Variants in EGFLAM observed in about 807,000 individuals in gnomAD.
The protein encoded by EGFLAM is EGF like, fibronectin type III and laminin G domains, also known as pikachurin.
In EGFLAM, 79 loss-of-function variants were observed where a neutral mutation model predicts 113.1. That is an observed-to-expected ratio of 0.70 (90% CI 0.58 to 0.84). EGFLAM has a LOEUF of 0.84. EGFLAM is among the 40% of genes least tolerant of loss of function. EGFLAM has a pLI of 0.00. For missense variants in EGFLAM, 1,265 were observed against 1,291.6 expected, an observed-to-expected ratio of 0.98 and a Z score of 0.32; for synonymous variants, 504 against 487.6, an observed-to-expected ratio of 1.03 and a Z score of -0.44.
At chr5:38,337,973 A>G (rs140258479) in intron 2 of EGFLAM, among the ~76,000 whole-genome samples, 44 of 152,370 alleles carry the variant, frequency 2.9e-4, no homozygotes, top group African/African-American at 9.9e-4. Flanking sequence ...GAATGTTGTC[A>G]ACAAGTACAA....
intron 6 of EGFLAM, among the ~76,000 whole-genome samples, chr5:38,391,543 C>T (rs1381364594): frequency 2.0e-5 from 3 of 151,670 alleles, no homozygotes; most frequent in Non-Finnish European, 4.4e-5. Context: ...GGATTACAGG[C>T]GCCTACTACC....
At chr5:38,276,753 A>G (rs1757897741) in intron 1 of EGFLAM, among the ~76,000 whole-genome samples, 1 of 152,166 alleles carries the variant, frequency 6.6e-6, no homozygotes, top group Non-Finnish European at 1.5e-5. Flanking sequence ...GTGATACCAC[A>G]GAAACACAAA....
chr5:38,305,843 T>G (rs1247792589), intron 1 of EGFLAM, among the ~76,000 whole-genome samples: 2 of 152,208 alleles, frequency 1.3e-5, no homozygotes, highest in African/African-American at 4.8e-5. Flanking sequence ...GGACTTGTCC[T>G]TCACCAAGGC....
intron 1 of EGFLAM, among the ~76,000 whole-genome samples, chr5:38,310,800 A>G (rs1380144247): frequency 3.3e-5 from 5 of 152,192 alleles, no homozygotes; most frequent in African/African-American, 1.2e-4. Flanking sequence ...CTGACACGCC[A>G]CTATTTAAGC....
At chr5:38,449,745 G>C (rs1742851692) in intron 18 of EGFLAM, among the ~76,000 whole-genome samples, 1 of 152,036 alleles carries the variant, frequency 6.6e-6, no homozygotes, top group Admixed American at 6.6e-5. Flanking sequence ...TAAAAGTCAA[G>C]TTCAGGGTCT....
chr5:38,314,266 G>T lies in EGFLAM; in HGVS notation c.98-23254G>T, dbSNP rs78433588. Among the ~76,000 whole-genome samples, 18 of 152,254 alleles carry T rather than the reference G, an allele frequency of 1.2e-4. No individual in the cohort carries two copies. In the East Asian group the frequency reaches 3.5e-3, roughly 29 times the overall value. ...ATTCATCCATTCCCCATTTATCCAA[G>T]ATGTCTTTTTTATCATAAATTAAGT... On this transcript the variant is annotated intron_variant, in intron 1 of 21. Transcript: ENST00000322350.
chr5:38,437,589 C>T lies in EGFLAM; in HGVS notation c.2284-686C>T, dbSNP rs1742389747. 3.9e-5 allele frequency among the ~76,000 whole-genome samples: 6 copies of T among 152,158 alleles called. No individual in the cohort carries two copies. In the South Asian group the frequency reaches 1.2e-3, roughly 31 times the overall value. Reference sequence around the variant, plus strand: ...AAAGTTACTGACGACTTGGTCTCACCTTCAGAGATTCTGGTTCAATGGGTC... The same window carrying T: ...AAAGTTACTGACGACTTGGTCTCACTTTCAGAGATTCTGGTTCAATGGGTC... On this transcript the variant is annotated intron_variant, in intron 16 of 21. Transcript: ENST00000322350.
intron 12 of EGFLAM, among the ~76,000 whole-genome samples, chr5:38,424,558 G>A (rs1007054737): frequency 6.6e-6 from 1 of 152,094 alleles, no homozygotes; most frequent in Non-Finnish European, 1.5e-5. Flanking sequence ...AGCTAATTGG[G>A]GTCATGCAAT....
chr5:38,263,268 C>G (rs1022599191), intron 1 of EGFLAM, among the ~76,000 whole-genome samples: 4 of 152,140 alleles, frequency 2.6e-5, no homozygotes, highest in Non-Finnish European at 5.9e-5. Flanking sequence ...TTGAGACCAG[C>G]CTGGCCAACA....
In EGFLAM at chr5:38,427,094, T is replaced by C. The variant is rs767144321; in HGVS notation, c.1896T>C (p.Leu632=). ...GGCCACTGGAGCCCCAGCATTACCT[T>C]TCCTTCATGGAATTTGAGATCACAT... The part of the protein sequence containing the change: ...TPWPLEPQHY[L]SFMEFEITFR... Residue 632 remains leucine, a synonymous_variant, in exon 14 of 22, where the codon CTT becomes CTC. Coordinates refer to ENST00000322350, the MANE Select transcript of EGFLAM (RefSeq NM_152403.4). The C allele has an allele frequency of 1.9e-6, 3 of 1,614,116 alleles. No homozygotes were observed. The East Asian group carries it at 6.7e-5, about 36-fold the overall frequency.
intron 13 of EGFLAM, among the ~76,000 whole-genome samples, chr5:38,425,969 G>A (rs1430225947): frequency 6.6e-6 from 1 of 152,090 alleles, no homozygotes; most frequent in Non-Finnish European, 1.5e-5. Flanking sequence ...TGGGTGTGGT[G>A]GTGCACAGCT....
Position 38,425,995 on chromosome 5 carries a change from C to A in EGFLAM, c.1810+903C>A, listed in dbSNP as rs140911402. On this transcript the variant is annotated intron_variant, in intron 13 of 21. Coordinates refer to ENST00000322350, the MANE Select transcript of EGFLAM (RefSeq NM_152403.4). ...GTGCACAGCTGTAATCCCAGCTACT[C>A]GGGAGGCTGAGGCAGGAGAATTGCT... Among the ~76,000 whole-genome samples, 3 of 151,864 alleles carry A rather than the reference C, an allele frequency of 2.0e-5. No homozygotes were observed. In the East Asian group the frequency reaches 5.8e-4, roughly 30 times the overall value.
At chr5:38,337,748 C>A (rs897204917) in intron 2 of EGFLAM, 119 bp downstream of exon 2, 2 of 818,638 alleles carry the variant, frequency 2.4e-6, no homozygotes, top group Non-Finnish European at 1.9e-6. Flanking sequence ...CATTCTCCCT[C>A]CATAAAGCTA....
chr5:38,365,386 A>G (rs1038553339), intron 5 of EGFLAM, among the ~76,000 whole-genome samples: 3 of 152,204 alleles, frequency 2.0e-5, no homozygotes, highest in Non-Finnish European at 2.9e-5. Context: ...CACAGCTCTG[A>G]TATGTGATGA....
intron 1 of EGFLAM, among the ~76,000 whole-genome samples, chr5:38,301,709 A>AG (rs1758584010): frequency 6.6e-6 from 1 of 152,104 alleles, no homozygotes; most frequent in South Asian, 2.1e-4. Context: ...TGGAGCTTGA[A>AG]GGGGGGTAGG....
chr5:38,458,708 T>A (rs2112286628), intron 20 of EGFLAM, among the ~76,000 whole-genome samples: 1 of 152,262 alleles, frequency 6.6e-6, no homozygotes, highest in Non-Finnish European at 1.5e-5. Context: ...GGGCCGGGCA[T>A]GGTGGCTGAC....
chr5:38,305,372 T>C, intron 1 of EGFLAM: 1 of 394,112 alleles, frequency 2.5e-6, no homozygotes, highest in Admixed American at 2.8e-5. Flanking sequence ...CCAGCCAAAC[T>C]ATCAATGAAG....
chr5:38,261,014 C>G (rs114400715), intron 1 of EGFLAM, among the ~76,000 whole-genome samples: 1 of 152,152 alleles, frequency 6.6e-6, no homozygotes, highest in African/African-American at 2.4e-5. Context: ...ATCGTGGCCA[C>G]GGTGCAGGCA....
intron 5 of EGFLAM, among the ~76,000 whole-genome samples, chr5:38,360,653 G>T (rs775020143): frequency 6.6e-6 from 1 of 151,958 alleles, no homozygotes; most frequent in Non-Finnish European, 1.5e-5. Context: ...TGCTTCATGG[G>T]GTTATTATGA....
Sources: allele counts gnomAD v4.1 joint callset (sites outside exome capture counted in the v4.1 genomes callset), GRCh38; gene constraint gnomAD v4.1.1; transcripts MANE v1.5; gene names NCBI Gene and HGNC (gene_info 2026-07-23, HGNC 2026-07-21).